ROBO1: variants seen among roughly 807,000 people sequenced by gnomAD.
ROBO1 encodes the protein roundabout guidance receptor 1.
ROBO1 carries 149 observed loss-of-function variants against 195.9 expected under a neutral mutation model. That is an observed-to-expected ratio of 0.76 (90% CI 0.67 to 0.87). ROBO1 has a LOEUF of 0.87. Ranked by LOEUF, ROBO1 falls within the 40% of genes least tolerant of loss-of-function variation. ROBO1 has a pLI of 0.00. For missense variants in ROBO1, 1,933 were observed against 2,068.3 expected, an observed-to-expected ratio of 0.93 and a Z score of 1.27; for synonymous variants, 816 against 733.2, an observed-to-expected ratio of 1.11 and a Z score of -1.82.
At chr3:79,488,905 A>G (rs953523563) in intron 2 of ROBO1, among the ~76,000 whole-genome samples, 2 of 152,162 alleles carry the variant, frequency 1.3e-5, no homozygotes, top group African/African-American at 4.8e-5. Flanking sequence ...TGCTTTATTT[A>G]TAACTTTTGA....
intron 2 of ROBO1, among the ~76,000 whole-genome samples, chr3:79,482,871 A>G (rs949568634): frequency 6.6e-6 from 1 of 152,192 alleles, no homozygotes; most frequent in Non-Finnish European, 1.5e-5. Flanking sequence ...TGGAATAAAT[A>G]GTTAATTTTA....
At chr3:79,560,706 T>C (rs1942887084) in intron 2 of ROBO1, among the ~76,000 whole-genome samples, 1 of 151,758 alleles carries the variant, frequency 6.6e-6, no homozygotes, top group Admixed American at 6.6e-5. Flanking sequence ...AAATCACATT[T>C]AGTCTGTCAT....
chr3:79,111,090 G>A (rs189786322), intron 3 of ROBO1, among the ~76,000 whole-genome samples: 13 of 152,174 alleles, frequency 8.5e-5, no homozygotes, highest in Non-Finnish European at 1.8e-4. Context: ...AGAATACAAG[G>A]TCTGTTGGGT....
chr3:79,223,818 C>T (rs2108833589), intron 2 of ROBO1, among the ~76,000 whole-genome samples: 1 of 152,292 alleles, frequency 6.6e-6, no homozygotes, highest in South Asian at 2.1e-4. Flanking sequence ...AGTTTAATGT[C>T]AGTCGGTCTT....
intron 4 of ROBO1, among the ~76,000 whole-genome samples, chr3:78,860,302 C>CTATATATATATATATATA (rs1200780060): frequency 6.7e-5 from 7 of 104,736 alleles, no homozygotes; most frequent in African/African-American, 1.2e-4. Flanking sequence ...TTGAAATATA[C>CTATATATATATATATATA]TATATATATA....
intron 2 of ROBO1, among the ~76,000 whole-genome samples, chr3:79,176,811 C>T (rs193228649): frequency 8.5e-5 from 13 of 152,108 alleles, no homozygotes; most frequent in African/African-American, 1.2e-4. Context: ...CAGAATGCTA[C>T]AATATATGTT....
intron 2 of ROBO1, among the ~76,000 whole-genome samples, chr3:79,166,655 T>C (rs2081071968): frequency 6.7e-6 from 1 of 149,248 alleles, no homozygotes; most frequent in South Asian, 2.1e-4. Flanking sequence ...AAGCTCCGCC[T>C]CCCGGGTTCG....
intron 2 of ROBO1, among the ~76,000 whole-genome samples, chr3:79,360,826 T>C (rs1405634379): frequency 6.6e-6 from 1 of 152,050 alleles, no homozygotes; most frequent in Non-Finnish European, 1.5e-5. Flanking sequence ...ACTTAGATAA[T>C]ATGATGCTCT....
chr3:79,495,545 T>G (rs1170420298), intron 2 of ROBO1, among the ~76,000 whole-genome samples: 2 of 152,118 alleles, frequency 1.3e-5, no homozygotes, highest in African/African-American at 2.4e-5. Context: ...AGTCTTAAAC[T>G]TTGACATTAA....
intron 2 of ROBO1, among the ~76,000 whole-genome samples, chr3:79,490,977 A>G (rs1305755517): frequency 2.0e-5 from 3 of 152,078 alleles, no homozygotes; most frequent in Non-Finnish European, 4.4e-5. Context: ...TCCCAAGTAC[A>G]TAGAACTGCA....
At chr3:78,767,344 C>A (rs1323197021) in intron 4 of ROBO1, among the ~76,000 whole-genome samples, 1 of 152,064 alleles carries the variant, frequency 6.6e-6, no homozygotes, top group African/African-American at 2.4e-5. Flanking sequence ...TGGCTCACTG[C>A]AACCTCCACC....
chr3:78,705,604 G>A (rs2081531639), intron 8 of ROBO1, among the ~76,000 whole-genome samples: 1 of 152,186 alleles, frequency 6.6e-6, no homozygotes. Context: ...TGGGTTAGGG[G>A]ATGTCCAGAC....
At chr3:78,960,078 T>C (rs2041258636) in intron 3 of ROBO1, among the ~76,000 whole-genome samples, 1 of 151,962 alleles carries the variant, frequency 6.6e-6, no homozygotes, top group Non-Finnish European at 1.5e-5. Context: ...GGTGGGAGGA[T>C]TACTTGAGGC....
intron 1 of ROBO1, among the ~76,000 whole-genome samples, chr3:79,655,099 G>A (rs887752800): frequency 1.3e-5 from 2 of 152,056 alleles, no homozygotes; most frequent in South Asian, 4.1e-4. Flanking sequence ...TACATAATTA[G>A]TTCCCCTCTT....
chr3:79,447,564 T>A (rs1232556556), intron 2 of ROBO1, among the ~76,000 whole-genome samples: 1 of 152,204 alleles, frequency 6.6e-6, no homozygotes, highest in Non-Finnish European at 1.5e-5. Flanking sequence ...CTTAGATTGT[T>A]ACATCATGCT....
At chr3:78,629,536 T>C (rs1705044358) in intron 25 of ROBO1, among the ~76,000 whole-genome samples, 1 of 151,746 alleles carries the variant, frequency 6.6e-6, no homozygotes, top group South Asian at 2.1e-4. Context: ...TACAAAAAAA[T>C]AAAAATAAAC....
intron 4 of ROBO1, among the ~76,000 whole-genome samples, chr3:78,790,880 T>TG (rs1253138099): frequency 6.6e-6 from 1 of 152,166 alleles, no homozygotes; most frequent in African/African-American, 2.4e-5. Context: ...TTCCAAGGGA[T>TG]GGGGCAGGGA....
chr3:78,940,370 G>A (rs928818797), intron 3 of ROBO1, among the ~76,000 whole-genome samples: 2 of 152,158 alleles, frequency 1.3e-5, no homozygotes, highest in Admixed American at 6.5e-5. Flanking sequence ...ATATAATGTG[G>A]GTTGTCCTCT....
chr3:78,648,801 C>T (rs1007896529), intron 19 of ROBO1, among the ~76,000 whole-genome samples: 4 of 151,952 alleles, frequency 2.6e-5, no homozygotes, highest in African/African-American at 9.7e-5. Context: ...AAAACACTGC[C>T]AGAATTATAT....
Sources: allele counts gnomAD v4.1 joint callset (sites outside exome capture counted in the v4.1 genomes callset), GRCh38; gene constraint gnomAD v4.1.1; transcripts MANE v1.5; gene names NCBI Gene and HGNC (gene_info 2026-07-23, HGNC 2026-07-21).